FDX1: variants seen among roughly 807,000 people sequenced by gnomAD.
FDX1 encodes the protein adrenodoxin, mitochondrial.
In FDX1, 9 loss-of-function variants were observed where a neutral mutation model predicts 14.9. That is an observed-to-expected ratio of 0.60 (90% CI 0.36 to 1.05). The LOEUF (loss-of-function observed/expected upper bound fraction) is 1.05. Ranked by LOEUF, FDX1 falls within the 50% of genes least tolerant of loss-of-function variation. The probability of loss-of-function intolerance (pLI) is 0.01; values close to 1 mark genes in which losing one functional copy is unlikely to be tolerated. For synonymous variants in FDX1, 92 were observed against 99.4 expected (o/e 0.93, Z 0.44); for missense variants, 204 against 237.2 (o/e 0.86, Z 0.92).
Position 110,457,023 on chromosome 11 carries a change from A to T in FDX1, c.416A>T (p.Asp139Val). The change falls in exon 3 of 4, where the codon GAT becomes GTT. Residue 139 changes from aspartate to valine, a missense_variant. Asp to Val is a radical substitution (Grantham distance 152). Transcript: ENST00000260270. ...ACTGATGAGGAGAATGACATGCTCG[A>T]TCTGGCATATGGACTAACAGACAGG... ...AITDEENDML[D>V]LAYGLTDRSR... 1 of 1,613,348 alleles carries T rather than the reference A, an allele frequency of 6.2e-7. No individual in the cohort carries two copies. The highest frequency in any genetic ancestry group is 8.5e-7 in the Non-Finnish European group (1 of 1,179,470).
At chr11:110,440,721 C>G (rs1348540925) in intron 2 of FDX1, among the ~76,000 whole-genome samples, 1 of 152,102 alleles carries the variant, frequency 6.6e-6, no homozygotes, top group East Asian at 1.9e-4. Flanking sequence ...TAAACATGAT[C>G]TAACACAAAA....
intron 2 of FDX1, among the ~76,000 whole-genome samples, chr11:110,438,228 C>T (rs554624022): frequency 6.6e-6 from 1 of 152,324 alleles, no homozygotes; most frequent in African/African-American, 2.4e-5. Context: ...AGCAGCTTAA[C>T]TAATTTACAT....
intron 2 of FDX1, among the ~76,000 whole-genome samples, chr11:110,447,846 T>C (rs1395997262): frequency 6.6e-6 from 1 of 152,238 alleles, no homozygotes; most frequent in Non-Finnish European, 1.5e-5. Flanking sequence ...TGTTCACTTG[T>C]TTTATAGTAT....
chr11:110,442,612 G>A (rs1946411941), intron 2 of FDX1, among the ~76,000 whole-genome samples: 2 of 152,204 alleles, frequency 1.3e-5, no homozygotes, highest in Admixed American at 6.5e-5. Flanking sequence ...CCCAATGCCT[G>A]TACCCCCATT....
chr11:110,456,896 C>A, intron 2 of FDX1, 22 bp from the exon 3 acceptor site: 1 of 1,602,856 alleles, frequency 6.2e-7, no homozygotes, highest in South Asian at 1.1e-5. Flanking sequence ...GGACTATGTT[C>A]AGTGTTTGTT....
rs1454087374 is a variant in FDX1, at chr11:110,446,916, C to A, written c.311-10002C>A. ...AGTGGGCCAGGCACAGTGGCTGACG[C>A]CTGTAATCCCTGCACTTTGGGAGGC... On this transcript the variant is annotated intron_variant, in intron 2 of 3. Coordinates refer to ENST00000260270, the MANE Select transcript of FDX1 (RefSeq NM_004109.5). Among the ~76,000 whole-genome samples the A allele has an allele frequency of 2.0e-5, 3 of 152,310 alleles. No homozygotes were observed. In the South Asian group the frequency reaches 6.2e-4, roughly 32 times the overall value.
chr11:110,459,220 G>A (rs1314995369), intron 3 of FDX1, among the ~76,000 whole-genome samples: 1 of 152,202 alleles, frequency 6.6e-6, no homozygotes, highest in African/African-American at 2.4e-5. Context: ...TATATGTAAG[G>A]TGAGGATAAT....
intron 2 of FDX1, among the ~76,000 whole-genome samples, chr11:110,454,325 G>A (rs1402538648): frequency 2.6e-5 from 4 of 152,186 alleles, no homozygotes; most frequent in African/African-American, 9.6e-5. Context: ...TGAAGCCTAT[G>A]AACAGCTAGA....
intron 2 of FDX1, among the ~76,000 whole-genome samples, chr11:110,450,733 C>T (rs1946480712): frequency 6.6e-6 from 1 of 152,084 alleles, no homozygotes; most frequent in East Asian, 1.9e-4. Flanking sequence ...GAGACTTGTA[C>T]AATTTCCAAA....
chr11:110,444,664 ACG>A (rs761740520), intron 2 of FDX1, among the ~76,000 whole-genome samples: 1,643 of 72,458 alleles, frequency 0.023, 120 homozygotes, highest in African/African-American at 0.099. Context: ...ATATATATAT[ACG>A]TATATATATA....
At chr11:110,436,056 A>G (rs1017418941) in intron 2 of FDX1, 98 bp downstream of exon 2, 6 of 1,006,956 alleles carry the variant, frequency 6.0e-6, no homozygotes, top group Non-Finnish European at 9.0e-6. Context: ...AACCTATAGC[A>G]TGCTATGTAA....
At chr11:110,430,340 G>T (rs983354427) in intron 1 of FDX1, 35 bp downstream of exon 1, 1 of 1,174,482 alleles carries the variant, frequency 8.5e-7, no homozygotes, top group Non-Finnish European at 1.1e-6. Context: ...GCCGGCGCGG[G>T]CCGGGGTCCC....
At chr11:110,456,888 A>T in intron 2 of FDX1, 30 bp from the exon 3 acceptor site, 1 of 1,597,420 alleles carries the variant, frequency 6.3e-7, no homozygotes. Context: ...TGTAGAAGGG[A>T]CTATGTTCAG....
At chr11:110,435,006 G>A (rs769658049) in intron 1 of FDX1, among the ~76,000 whole-genome samples, 3 of 150,298 alleles carry the variant, frequency 2.0e-5, no homozygotes, top group Non-Finnish European at 3.0e-5. Context: ...CCCCTGCCTC[G>A]GCCTCCCAAA....
chr11:110,450,919 T>C (rs1250672113), intron 2 of FDX1, among the ~76,000 whole-genome samples: 1 of 152,172 alleles, frequency 6.6e-6, no homozygotes, highest in Admixed American at 6.5e-5. Flanking sequence ...CAGCCACCAA[T>C]ATTACTCTGG....
intron 2 of FDX1, among the ~76,000 whole-genome samples, chr11:110,442,480 G>C (rs1200987053): frequency 6.6e-6 from 1 of 152,234 alleles, no homozygotes; most frequent in East Asian, 1.9e-4. Context: ...TGTGAGACAT[G>C]TAGTCAAAGG....
In FDX1 at chr11:110,462,669, A is replaced by C. The variant is rs1324629637; in HGVS notation, c.*201A>C. On this transcript the variant is annotated 3_prime_UTR_variant, in exon 4 of 4. Coordinates refer to ENST00000260270, the MANE Select transcript of FDX1 (RefSeq NM_004109.5). ...ATTTTGGTTATATTACAAAAATGTC[A>C]ATCAAATATTAAAAAATAGTTAATG... is the stretch of plus-strand genomic sequence containing the variant. The C allele has an allele frequency of 5.5e-6, 2 of 363,850 alleles. No individual in the cohort carries two copies. The highest frequency in any genetic ancestry group is 9.8e-6 in the Non-Finnish European group (2 of 203,266). The allele number at this position is 363,850 out of a possible 1,614,324, so 22.5% of individuals were successfully genotyped here.
At chr11:110,458,260 G>T (rs1946534886) in intron 3 of FDX1, among the ~76,000 whole-genome samples, 1 of 152,176 alleles carries the variant, frequency 6.6e-6, no homozygotes, top group African/African-American at 2.4e-5. Context: ...TATAATAAAT[G>T]TAAGCTAGCA....
chr11:110,435,641 A>T (rs1345120200), intron 1 of FDX1, among the ~76,000 whole-genome samples, 193 bp from the exon 2 acceptor site: 1 of 152,192 alleles, frequency 6.6e-6, no homozygotes, highest in Non-Finnish European at 1.5e-5. Flanking sequence ...TGAGGCCAGG[A>T]ATTTGAGACC....
Sources: gnomAD v4.1 joint callset for allele counts (sites outside exome capture counted in the v4.1 genomes callset) on GRCh38, gnomAD v4.1.1 for gene constraint, MANE v1.5 for transcripts, NCBI Gene and HGNC (gene_info 2026-07-23, HGNC 2026-07-21) for gene names.